EPM2A: variants seen among roughly 807,000 people sequenced by gnomAD.
EPM2A encodes laforin.
A neutral mutation model predicts 26.5 loss-of-function variants in EPM2A; 21 were observed. That is an observed-to-expected ratio of 0.79 (90% confidence interval 0.56 to 1.14). The LOEUF is 1.14. EPM2A is among the 50% of genes most tolerant of loss of function. EPM2A has a pLI of 0.00. For synonymous variants in EPM2A, 217 were observed against 177.6 expected, an observed-to-expected ratio of 1.22 and a Z score of -1.76; for missense variants, 458 against 440.8, an observed-to-expected ratio of 1.04 and a Z score of -0.35.
chr6:145,448,454 A>G (rs1041321664), intron 4 of EPM2A, among the ~76,000 whole-genome samples: 8 of 152,188 alleles, frequency 5.3e-5, no homozygotes, highest in African/African-American at 1.7e-4. Context: ...GAGTCAGATT[A>G]TTAAAGAAGA....
intron 2 of EPM2A, chr6:145,682,720 T>C (rs1780634318): frequency 6.6e-6 from 1 of 152,148 alleles, no homozygotes; most frequent in Admixed American, 6.6e-5. Context: ...TATCTTATTA[T>C]ATAACATTTA....
intron 2 of EPM2A, chr6:145,639,416 A>C (rs981655572): frequency 1.3e-5 from 2 of 152,208 alleles, no homozygotes; most frequent in African/African-American, 4.8e-5. Flanking sequence ...AGATACTTAT[A>C]GAGAGGCTTG....
intron 2 of EPM2A, among the ~76,000 whole-genome samples, chr6:145,678,290 A>C (rs1042509552): frequency 1.3e-5 from 2 of 152,224 alleles, no homozygotes; most frequent in African/African-American, 4.8e-5. Context: ...CTAAAACCAT[A>C]AAAACCCTGG....
chr6:145,693,566 A>G (rs759338202), intron 1 of EPM2A, among the ~76,000 whole-genome samples: 41 of 152,074 alleles, frequency 2.7e-4, no homozygotes, highest in Non-Finnish European at 5.2e-4. Context: ...AAAATTACCT[A>G]CTGGGTACAA....
intron 4 of EPM2A, among the ~76,000 whole-genome samples, chr6:145,423,801 C>A (rs1562329057): frequency 6.6e-6 from 1 of 152,172 alleles, no homozygotes; most frequent in Admixed American, 6.5e-5. Context: ...TACATGTTCC[C>A]CCAGTCTCCC....
At chr6:145,534,810 T>C (rs559769288) in intron 2 of EPM2A, among the ~76,000 whole-genome samples, 6 of 152,334 alleles carry the variant, frequency 3.9e-5, no homozygotes, top group South Asian at 4.1e-4. Flanking sequence ...CATTTGGTGA[T>C]ATATCTGCAT....
At chr6:145,435,410 TA>T (rs35254212) in intron 4 of EPM2A, among the ~76,000 whole-genome samples, 13,434 of 86,414 alleles carry the variant, frequency 0.16, 749 homozygotes, top group African/African-American at 0.33. Flanking sequence ...GTGAAGAATT[TA>T]TATATATATA....
chr6:145,390,365 A>G (rs373944668), intron 4 of EPM2A, among the ~76,000 whole-genome samples: 1 of 151,994 alleles, frequency 6.6e-6, no homozygotes. Context: ...ATCCGGAATA[A>G]TGTTCGAACA....
chr6:145,574,666 C>T (rs946539881), intron 2 of EPM2A, among the ~76,000 whole-genome samples: 1 of 152,188 alleles, frequency 6.6e-6, no homozygotes. Context: ...CCTTTGGATC[C>T]CTTCCTCTAT....
intron 2 of EPM2A, among the ~76,000 whole-genome samples, chr6:145,525,215 T>TTTTATTTATTTATTTATTTATTTA (rs71552932): frequency 6.8e-6 from 1 of 146,978 alleles, no homozygotes. Context: ...ATGCCTTCAA[T>TTTTATTTATTTATTTATTTATTTA]TTTATTTATT....
chr6:145,547,954 T>C (rs1217847491), intron 2 of EPM2A, among the ~76,000 whole-genome samples: 4 of 152,076 alleles, frequency 2.6e-5, no homozygotes, highest in Non-Finnish European at 5.9e-5. Flanking sequence ...TTATAAATCC[T>C]AGTAACGACC....
intron 2 of EPM2A, among the ~76,000 whole-genome samples, chr6:145,664,058 T>C (rs2128590994): frequency 1.2e-5 from 1 of 80,864 alleles, no homozygotes; most frequent in Non-Finnish European, 2.4e-5. Context: ...CGCTGCAAAA[T>C]CATGCCAAAA....
chr6:145,604,642 C>A (rs1242107012), intron 2 of EPM2A, among the ~76,000 whole-genome samples: 1 of 152,054 alleles, frequency 6.6e-6, no homozygotes, highest in Non-Finnish European at 1.5e-5. Flanking sequence ...AATTAATGAG[C>A]AATACTTTAC....
intron 2 of EPM2A, among the ~76,000 whole-genome samples, chr6:145,554,422 TGATAGATAGATAGATAGATAGATA>T (rs34637179): frequency 2.7e-5 from 4 of 146,120 alleles, no homozygotes; most frequent in African/African-American, 1.0e-4. Context: ...GATAGATAGA[TGATAGATAGATAGATAGATAGATA>T]GATAGATAGA....
intron 2 of EPM2A, among the ~76,000 whole-genome samples, chr6:145,581,909 C>T (rs1281197098): frequency 6.6e-6 from 1 of 152,114 alleles, no homozygotes; most frequent in Non-Finnish European, 1.5e-5. Flanking sequence ...ATACCTCCAG[C>T]TTTATTCTTT....
intron 2 of EPM2A, among the ~76,000 whole-genome samples, chr6:145,642,167 C>T (rs372207235): frequency 6.6e-6 from 1 of 152,122 alleles, no homozygotes; most frequent in African/African-American, 2.4e-5. Context: ...AATAACCAGG[C>T]TACGACTTGG....
At chr6:145,405,365 C>A (rs967943661) in intron 4 of EPM2A, among the ~76,000 whole-genome samples, 3 of 151,954 alleles carry the variant, frequency 2.0e-5, no homozygotes, top group African/African-American at 7.3e-5. Context: ...CTGTGGCTGC[C>A]GGTTACGTCA....
At chr6:145,440,020 G>A (rs1779042212) in intron 4 of EPM2A, among the ~76,000 whole-genome samples, 1 of 152,184 alleles carries the variant, frequency 6.6e-6, no homozygotes, top group African/African-American at 2.4e-5. Flanking sequence ...TCCAGTTTCA[G>A]TCTTCTGCAT....
chr6:145,566,306 A>ATTC (rs1780883251), intron 2 of EPM2A, among the ~76,000 whole-genome samples: 1 of 152,240 alleles, frequency 6.6e-6, no homozygotes, highest in African/African-American at 2.4e-5. Context: ...TTAATATTAT[A>ATTC]TTCCATTCCT....
Sources: allele counts gnomAD v4.1 joint callset (sites outside exome capture counted in the v4.1 genomes callset), GRCh38; gene constraint gnomAD v4.1.1; transcripts MANE v1.5; gene names NCBI Gene and HGNC (gene_info 2026-07-23, HGNC 2026-07-21).